Variants in JAK2 observed in about 807,000 individuals in gnomAD.
JAK2 encodes the protein Janus kinase 2.
JAK2 carries 86 observed loss-of-function variants against 139.3 expected under a neutral mutation model. The observed-to-expected ratio is 0.62, with a 90% CI of 0.52 to 0.74. The LOEUF is 0.74. JAK2 is among the 30% of genes least tolerant of loss of function. The probability of loss-of-function intolerance (pLI) is 0.00; values close to 1 mark genes in which losing one functional copy is unlikely to be tolerated. For missense variants in JAK2, 1,421 were observed against 1,360.3 expected (o/e 1.04, Z -0.70); for synonymous variants, 490 against 437.7 (o/e 1.12, Z -1.49).
intron 2 of JAK2, among the ~76,000 whole-genome samples, chr9:5,005,853 A>G (rs899447030): frequency 2.6e-5 from 4 of 152,168 alleles, no homozygotes; most frequent in African/African-American, 9.7e-5. Flanking sequence ...ATTGATCTAT[A>G]TCTCTGTTTT....
chr9:5,093,742 T>C (rs1820762738), intron 22 of JAK2, among the ~76,000 whole-genome samples: 1 of 152,166 alleles, frequency 6.6e-6, no homozygotes, highest in Admixed American at 6.5e-5. Context: ...GGGATAACAG[T>C]GCAATCCTAT....
chr9:5,054,245 G>A lies in JAK2; in HGVS notation c.615-318G>A, dbSNP rs74608649. Among the ~76,000 whole-genome samples the A allele has an allele frequency of 3.6e-3, 550 of 152,138 alleles. 2 individuals carry two copies. Among genetic ancestry groups the A allele is most frequent in the African/African-American group, 0.013 (531 of 41,546 alleles). Reference sequence around the variant, plus strand: ...TCTTATAAACCATTAACTCTGGTATGTGAAATAGAGAAAAGGAATTTTTAG... The same window carrying A: ...TCTTATAAACCATTAACTCTGGTATATGAAATAGAGAAAAGGAATTTTTAG... On this transcript the variant is annotated intron_variant, in intron 6 of 24. Transcript: ENST00000381652. The surrounding 1 kb of genome is among the most constrained non-coding windows in gnomAD (Gnocchi z 4.9).
At chr9:5,102,807 GA>G (rs1821614600) in intron 22 of JAK2, among the ~76,000 whole-genome samples, 1 of 152,120 alleles carries the variant, frequency 6.6e-6, no homozygotes, top group African/African-American at 2.4e-5. Flanking sequence ...CTTCATAAGT[GA>G]AGGAGAAATA....
intron 7 of JAK2, 32 bp from the exon 8 acceptor site, chr9:5,055,637 C>T: frequency 4.7e-6 from 7 of 1,482,370 alleles, no homozygotes; most frequent in South Asian, 3.7e-5. Context: ...TAAATTCTAC[C>T]CGTTTTTAAT....
intron 7 of JAK2, 62 bp from the exon 8 acceptor site, chr9:5,055,607 C>T: frequency 7.7e-7 from 1 of 1,298,704 alleles, no homozygotes; most frequent in Non-Finnish European, 1.1e-6. Flanking sequence ...CTTCTTAAGT[C>T]TTGTTTTAAA....
chr9:4,993,792 G>GA, intron 2 of JAK2, among the ~76,000 whole-genome samples: 1 of 152,302 alleles, frequency 6.6e-6, no homozygotes, highest in Non-Finnish European at 1.5e-5. Flanking sequence ...ACGTTGATAA[G>GA]AAAAAAATGG....
At chr9:5,012,909 G>A (rs377658589) in intron 2 of JAK2, among the ~76,000 whole-genome samples, 18 of 152,134 alleles carry the variant, frequency 1.2e-4, no homozygotes, top group East Asian at 9.6e-4. Flanking sequence ...TAGACTTAGG[G>A]AAAATAGTTA....
intron 8 of JAK2, among the ~76,000 whole-genome samples, chr9:5,058,648 G>A (rs866616708): frequency 2.0e-5 from 3 of 152,044 alleles, no homozygotes; most frequent in Non-Finnish European, 4.4e-5. Flanking sequence ...CCATAGCAGC[G>A]GCACCATTTT....
At chr9:5,066,596 C>G in intron 9 of JAK2, 82 bp from the exon 10 acceptor site, 1 of 782,452 alleles carries the variant, frequency 1.3e-6, no homozygotes, top group Non-Finnish European at 2.2e-6. Context: ...TTAGATTTGA[C>G]TTTTGATTGT....
chr9:5,105,679 C>A (rs2094622), intron 22 of JAK2, among the ~76,000 whole-genome samples: 95,442 of 152,030 alleles, frequency 0.63, 32,007 homozygotes, highest in African/African-American at 0.88. Context: ...ACAAGGCTAC[C>A]GTAACCAAAA....
At chr9:5,053,225 CT>C (rs1351197567) in intron 6 of JAK2, among the ~76,000 whole-genome samples, 5 of 152,058 alleles carry the variant, frequency 3.3e-5, no homozygotes. Flanking sequence ...CTAATGACTA[CT>C]GATGTTTGGC....
intron 7 of JAK2, among the ~76,000 whole-genome samples, chr9:5,055,408 CTAA>C (rs1222965751): frequency 1.3e-5 from 2 of 151,896 alleles, no homozygotes; most frequent in Non-Finnish European, 2.9e-5. Flanking sequence ...GTGGTTTCTA[CTAA>C]TGTTAATTGA....
intron 22 of JAK2, among the ~76,000 whole-genome samples, chr9:5,093,365 T>C (rs1820733658): frequency 6.6e-6 from 1 of 152,164 alleles, no homozygotes; most frequent in Non-Finnish European, 1.5e-5. Context: ...CACCATATCC[T>C]GACCTTGCAA....
chr9:5,090,742 A>G lies in JAK2; in HGVS notation c.2890A>G (p.Met964Val), dbSNP rs1308704524. ...LQYTSQICKG[M>V]EYLGTKRYIH... ...AAGAAAAATGTTTTATCCATAGGGTATGGAGTATCTTGGTACAAAAAGGTA... is the reference window on the plus strand; with the variant it reads ...AAGAAAAATGTTTTATCCATAGGGTGTGGAGTATCTTGGTACAAAAAGGTA... The change falls in exon 22 of 25, where the codon ATG (methionine) becomes GTG (valine). Residue 964 changes from methionine to valine, a missense_variant. Transcript: ENST00000381652. 6 of 1,601,124 alleles carry G rather than the reference A, an allele frequency of 3.7e-6. No homozygotes were observed. Among genetic ancestry groups the G allele is most frequent in the South Asian group, 1.1e-5 (1 of 87,806 alleles).
At chr9:5,093,255 G>C (rs1347338497) in intron 22 of JAK2, among the ~76,000 whole-genome samples, 2 of 152,086 alleles carry the variant, frequency 1.3e-5, no homozygotes, top group African/African-American at 4.8e-5. Flanking sequence ...AAAAGTAAAA[G>C]GAACTCGGCA....
At chr9:5,094,958 A>G (rs1820873624) in intron 22 of JAK2, 2 of 152,176 alleles carry the variant, frequency 1.3e-5, no homozygotes, top group African/African-American at 4.8e-5. Flanking sequence ...TACCACTTAC[A>G]TTAGCATTCT....
chr9:5,085,118 G>C, intron 19 of JAK2: 1 of 651,024 alleles, frequency 1.5e-6, no homozygotes, highest in East Asian at 3.6e-5. Context: ...TAGGTTGTTT[G>C]TTTTACACCA....
intron 8 of JAK2, among the ~76,000 whole-genome samples, chr9:5,061,286 C>G (rs1321910096): frequency 2.0e-5 from 3 of 152,218 alleles, no homozygotes; most frequent in Admixed American, 1.3e-4. Flanking sequence ...TGAAGGCAAG[C>G]ACTGACTTCT....
At chr9:5,114,088 G>A (rs1376839390) in intron 22 of JAK2, 5 of 332,180 alleles carry the variant, frequency 1.5e-5, no homozygotes, top group African/African-American at 4.3e-5. Context: ...ACCCAGAAGC[G>A]CTGGCTGCCC....
Sources: gnomAD v4.1 joint callset for allele counts (sites outside exome capture counted in the v4.1 genomes callset) on GRCh38, gnomAD v4.1.1 for gene constraint, Gnocchi (gnomAD v3.1) non-coding constraint, MANE v1.5 for transcripts, NCBI Gene and HGNC (gene_info 2026-07-23, HGNC 2026-07-21) for gene names.